SPATA7: variants seen among roughly 807,000 people sequenced by gnomAD.
The protein encoded by SPATA7 is spermatogenesis-associated protein 7.
SPATA7 carries 43 observed loss-of-function variants against 51.8 expected under a neutral mutation model. The observed-to-expected ratio is 0.83, with a 90% confidence interval of 0.65 to 1.07. SPATA7 has a LOEUF of 1.07. SPATA7 is among the 50% of genes least tolerant of loss of function. The pLI is 0.00. For missense variants in SPATA7, 683 were observed against 701.3 expected (o/e 0.97, Z 0.30); for synonymous variants, 230 against 252.8 (o/e 0.91, Z 0.86).
intron 4 of SPATA7, among the ~76,000 whole-genome samples, chr14:88,402,970 A>AC (rs2076106081): frequency 7.1e-6 from 1 of 140,640 alleles, no homozygotes; most frequent in Non-Finnish European, 1.5e-5. Flanking sequence ...AAAAAAAAAA[A>AC]AAAAAAAAAA....
chr14:88,400,561 T>G (rs1426388530), intron 4 of SPATA7, among the ~76,000 whole-genome samples: 1 of 152,168 alleles, frequency 6.6e-6, no homozygotes, highest in Non-Finnish European at 1.5e-5. Context: ...AGGCCACATG[T>G]GGTGGCTCAT....
chr14:88,403,257 A>G (rs1169955545), intron 4 of SPATA7, among the ~76,000 whole-genome samples: 2 of 152,198 alleles, frequency 1.3e-5, no homozygotes, highest in Non-Finnish European at 2.9e-5. Context: ...GCAAATCAAT[A>G]TAGAGGCTCC....
Position 88,438,087 on chromosome 14 carries a change from A to G in SPATA7, c.1465A>G (p.Thr489Ala), listed in dbSNP as rs372752890. ...TGAGAACGAGATATTCCCTTCACCA[A>G]CTGAATTTTTCATGCCTATTTATAA... ...KDENEIFPSP[T>A]EFFMPIYKSK... The change falls in exon 12 of 12, where the codon ACT becomes GCT. Residue 489 changes from threonine to alanine, a missense_variant. Physicochemically the swap from Thr to Ala is moderately conservative, Grantham distance 58. Coordinates refer to ENST00000393545, the MANE Select transcript of SPATA7 (RefSeq NM_018418.5). 1.2e-5 allele frequency: 19 copies of G among 1,614,146 alleles called. No individual in the cohort carries two copies. In the African/African-American group the frequency reaches 1.5e-4, roughly 12 times the overall value.
intron 7 of SPATA7, chr14:88,428,478 G>C (rs1346498514): frequency 6.6e-6 from 1 of 152,106 alleles, no homozygotes; most frequent in Non-Finnish European, 1.5e-5. Flanking sequence ...TGCCACTTAA[G>C]GCCCAAGGAC....
chr14:88,462,220 C>T (rs1452004548), intron 4 of SPATA7, among the ~76,000 whole-genome samples: 1 of 152,186 alleles, frequency 6.6e-6, no homozygotes, highest in African/African-American at 2.4e-5. Flanking sequence ...AGCATATGGT[C>T]ACAGTCTGAC....
Position 88,431,161 on chromosome 14 carries a change from C to G in SPATA7, c.1029-11C>G. ...CTGTTTTGCTCAACTACTTTAACTT[C>G]CTCTTTCTAGGGCAATGTGTCAGTA... On this transcript the variant is annotated splice_polypyrimidine_tract_variant and intron_variant, in intron 8 of 11. Transcript: ENST00000393545. 1 of 1,613,356 alleles carries G rather than the reference C, an allele frequency of 6.2e-7. No homozygotes were observed. Among genetic ancestry groups the G allele is most frequent in the Non-Finnish European group, 8.5e-7 (1 of 1,179,456 alleles).
intron 4 of SPATA7, among the ~76,000 whole-genome samples, chr14:88,396,633 CATTCTGT>C (rs376339102): frequency 6.5e-4 from 99 of 152,226 alleles, no homozygotes; most frequent in African/African-American, 2.0e-3. Flanking sequence ...AATAAAATTC[CATTCTGT>C]GTATATACCA....
intron 4 of SPATA7, among the ~76,000 whole-genome samples, chr14:88,399,913 G>C (rs1429591057): frequency 6.6e-6 from 1 of 152,108 alleles, no homozygotes; most frequent in Admixed American, 6.5e-5. Flanking sequence ...TTCAATAGTG[G>C]ATACATATTA....
At chr14:88,395,157 T>G (rs1034500586) in intron 3 of SPATA7, among the ~76,000 whole-genome samples, 1 of 152,110 alleles carries the variant, frequency 6.6e-6, no homozygotes, top group Non-Finnish European at 1.5e-5. Context: ...TACCCTGTAC[T>G]CTGCTCTTCC....
chr14:88,461,326 G>A (rs757662056), intron 4 of SPATA7, among the ~76,000 whole-genome samples: 3 of 152,186 alleles, frequency 2.0e-5, no homozygotes, highest in African/African-American at 7.2e-5. Context: ...ACAGAGGCAG[G>A]CAGGCCTCCT....
downstream of SPATA7, among the ~76,000 whole-genome samples, chr14:88,441,643 T>C (rs1468337243): frequency 6.6e-6 from 1 of 152,246 alleles, no homozygotes; most frequent in Non-Finnish European, 1.5e-5. Flanking sequence ...TATTTGTATA[T>C]CTTCTTTTGA....
intron 4 of SPATA7, among the ~76,000 whole-genome samples, chr14:88,402,220 C>G (rs1204659362): frequency 6.6e-6 from 1 of 152,074 alleles, no homozygotes; most frequent in Non-Finnish European, 1.5e-5. Flanking sequence ...TTTTGTACTA[C>G]CCAAAGTAGT....
chr14:88,392,061 G>A (rs1335303888), intron 2 of SPATA7, among the ~76,000 whole-genome samples: 1 of 152,090 alleles, frequency 6.6e-6, no homozygotes, highest in Non-Finnish European at 1.5e-5. Context: ...ACCTCCAAAT[G>A]TGGTGGAAGG....
intron 5 of SPATA7, among the ~76,000 whole-genome samples, chr14:88,425,573 A>G (rs906230180): frequency 1.3e-5 from 2 of 152,168 alleles, no homozygotes; most frequent in African/African-American, 4.8e-5. Flanking sequence ...AGACTTTACA[A>G]ATAACCTGTA....
intron 8 of SPATA7, among the ~76,000 whole-genome samples, chr14:88,429,760 G>A (rs1475793964): frequency 2.6e-5 from 4 of 152,006 alleles, no homozygotes; most frequent in African/African-American, 9.7e-5. Context: ...CAAGTCCTCT[G>A]GCAGTGATGC....
chr14:88,468,099 C>T lies in SPATA7; in HGVS notation c.255-1748C>T, dbSNP rs111690456. The T allele has an allele frequency of 5.4e-4, 871 of 1,609,256 alleles. 8 individuals are homozygous for T. The African/African-American group carries it at 0.01, about 19-fold the overall frequency. On this transcript the variant is annotated intron_variant, in intron 4 of 4. Coordinates refer to the SPATA7 transcript ENST00000556406. The stretch of plus-strand genomic sequence containing the variant: ...AAGCGCTTTTTTTTTAAGCTGTAAA[C>T]GCTTCACATGACTGGCCCCGTAAGA...
At position 88,408,173 on chromosome 14, in the gene SPATA7, A is replaced by G. The variant is rs375765517; in HGVS notation, c.239-8538A>G. On this transcript the variant is annotated intron_variant, in intron 4 of 11. Transcript: ENST00000393545. ...AAGTCAATGGTAGTTTGATGGGGAT[A>G]GCACTGAGTCTATAAATTACTTTGG... 1.6e-4 allele frequency among the ~76,000 whole-genome samples: 24 copies of G among 152,274 alleles called. No homozygotes were observed. In the East Asian group the frequency reaches 3.5e-3, roughly 22 times the overall value.
intron 3 of SPATA7, among the ~76,000 whole-genome samples, chr14:88,447,628 G>A (rs1366962569): frequency 4.6e-5 from 7 of 151,840 alleles, no homozygotes; most frequent in African/African-American, 1.7e-4. Context: ...GGTACCGGTT[G>A]TTCCTTTCCA....
rs2077414856 is a variant in SPATA7 at position 88,469,198 on chromosome 14, T to G, written c.255-649T>G. ...GCAGATAAAGAGCACTGGGTGCCAG[T>G]GAACCAAACCCAACCACAAAGGGAC... On this transcript the variant is annotated intron_variant, in intron 4 of 4. Coordinates refer to the SPATA7 transcript ENST00000556406. This position sits in a 1 kb window ranked among gnomAD's most constrained non-coding sequence, Gnocchi z 4.3. The G allele has an allele frequency of 5.4e-6, 6 of 1,116,352 alleles. No individual in the cohort carries two copies. Among genetic ancestry groups the G allele is most frequent in the Non-Finnish European group, 7.6e-6 (6 of 794,700 alleles). The allele number at this position is 1,116,352 out of a possible 1,614,324, so 69.2% of individuals were successfully genotyped here. A position where few individuals can be genotyped will look rare whatever the true frequency, so the allele number is the denominator to read the frequency against.
Sources: allele counts gnomAD v4.1 joint callset (sites outside exome capture counted in the v4.1 genomes callset), GRCh38; gene constraint gnomAD v4.1.1; non-coding constraint Gnocchi (gnomAD v3.1); transcripts MANE v1.5; gene names NCBI Gene and HGNC (gene_info 2026-07-23, HGNC 2026-07-21).